The following GRID2 variants were observed in gnomAD, a reference collection of about 807,000 sequenced individuals.
The protein encoded by GRID2 is glutamate receptor ionotropic, delta-2.
In GRID2, 33 loss-of-function variants were observed where a neutral mutation model predicts 114.8. The ratio of observed to expected loss-of-function variants is 0.29; its 90% CI spans 0.22 to 0.38. The LOEUF (loss-of-function observed/expected upper bound fraction) is 0.38. GRID2 is among the 10% of genes least tolerant of loss of function. The pLI is 1.00. For missense variants in GRID2, 1,184 were observed against 1,257.7 expected (o/e 0.94, Z 0.89); for synonymous variants, 505 against 449.9 (o/e 1.12, Z -1.55).
intron 2 of GRID2, among the ~76,000 whole-genome samples, chr4:92,695,857 T>G (rs2149296960): frequency 6.6e-6 from 1 of 152,258 alleles, no homozygotes; most frequent in South Asian, 2.1e-4. Flanking sequence ...ATCAAAAAAA[T>G]CTGAAATCAT....
intron 2 of GRID2, among the ~76,000 whole-genome samples, chr4:92,775,921 C>A (rs1455750252): frequency 1.3e-5 from 2 of 152,038 alleles, no homozygotes; most frequent in Admixed American, 6.6e-5. Flanking sequence ...ATTGCACATA[C>A]AGTTAATGCA....
At chr4:93,323,554 T>C (rs1217285107) in intron 8 of GRID2, among the ~76,000 whole-genome samples, 1 of 152,178 alleles carries the variant, frequency 6.6e-6, no homozygotes, top group African/African-American at 2.4e-5. Context: ...CCATATGAAC[T>C]TTAAAGTAGT....
At chr4:92,764,840 A>G (rs1738184873) in intron 2 of GRID2, among the ~76,000 whole-genome samples, 1 of 152,194 alleles carries the variant, frequency 6.6e-6, no homozygotes, top group Non-Finnish European at 1.5e-5. Flanking sequence ...TGTATAGTAG[A>G]AAGCAAGACA....
At chr4:93,441,704 C>T (rs1281834052) in intron 10 of GRID2, among the ~76,000 whole-genome samples, 2 of 151,928 alleles carry the variant, frequency 1.3e-5, no homozygotes, top group African/African-American at 4.8e-5. Flanking sequence ...AGCCACGAGC[C>T]ATACCTTGAA....
chr4:93,600,380 C>G (rs1047907397), intron 13 of GRID2, among the ~76,000 whole-genome samples: 1 of 151,586 alleles, frequency 6.6e-6, no homozygotes, highest in Non-Finnish European at 1.5e-5. Context: ...AATGAAAAGA[C>G]AAATAGTATA....
intron 14 of GRID2, among the ~76,000 whole-genome samples, chr4:93,670,413 T>C (rs1724311381): frequency 6.6e-6 from 1 of 152,134 alleles, no homozygotes; most frequent in South Asian, 2.1e-4. Flanking sequence ...ATAAAGAGAA[T>C]AGCAACCATG....
chr4:92,548,849 A>G (rs1366722091), intron 1 of GRID2, among the ~76,000 whole-genome samples: 2 of 152,060 alleles, frequency 1.3e-5, no homozygotes, highest in African/African-American at 4.8e-5. Flanking sequence ...ACACATCGCC[A>G]GAGAAGGAGG....
chr4:92,992,089 T>C (rs1413562780), intron 2 of GRID2, among the ~76,000 whole-genome samples: 1 of 152,118 alleles, frequency 6.6e-6, no homozygotes, highest in African/African-American at 2.4e-5. Context: ...CTGTACAAAG[T>C]TGCATCAGGT....
chr4:93,673,568 A>G (rs1406814193), intron 14 of GRID2, among the ~76,000 whole-genome samples: 1 of 152,062 alleles, frequency 6.6e-6, no homozygotes, highest in Non-Finnish European at 1.5e-5. Context: ...ACAAGACATT[A>G]TTTTTCTTTT....
chr4:93,549,113 A>T (rs1004552734), intron 13 of GRID2, among the ~76,000 whole-genome samples: 4 of 152,068 alleles, frequency 2.6e-5, no homozygotes, highest in Non-Finnish European at 2.9e-5. Context: ...TTTTAAAAAA[A>T]TTTTTTTCTC....
chr4:93,127,437 T>C (rs1734380073), intron 4 of GRID2, among the ~76,000 whole-genome samples: 1 of 152,180 alleles, frequency 6.6e-6, no homozygotes, highest in Non-Finnish European at 1.5e-5. Context: ...GAAGCATAAC[T>C]AATTGACAGC....
intron 2 of GRID2, among the ~76,000 whole-genome samples, chr4:92,929,517 CCA>C (rs1404973011): frequency 6.6e-6 from 1 of 151,230 alleles, no homozygotes; most frequent in African/African-American, 2.4e-5. Context: ...ATTTTTCGCA[CCA>C]CAGAGTTGAT....
chr4:93,762,998 G>T (rs1234723033), intron 14 of GRID2, among the ~76,000 whole-genome samples: 1 of 152,124 alleles, frequency 6.6e-6, no homozygotes, highest in Non-Finnish European at 1.5e-5. Flanking sequence ...GCAGGGAGGA[G>T]CCCATAAGCC....
At chr4:93,777,272 T>C (rs1734387680), downstream of GRID2, among the ~76,000 whole-genome samples, 1 of 152,244 alleles carries the variant, frequency 6.6e-6, no homozygotes, top group South Asian at 2.1e-4. Context: ...CTCTCATTTC[T>C]TCACCTGAAT....
chr4:93,508,613 C>G (rs2149483164), intron 12 of GRID2, among the ~76,000 whole-genome samples: 1 of 152,284 alleles, frequency 6.6e-6, no homozygotes, highest in Non-Finnish European at 1.5e-5. Context: ...GGAATGCTTA[C>G]TTCCCAAAAT....
At chr4:92,771,284 A>G (rs751696911) in intron 2 of GRID2, among the ~76,000 whole-genome samples, 15 of 152,202 alleles carry the variant, frequency 9.9e-5, no homozygotes, top group South Asian at 2.1e-4. Context: ...CACAATTATT[A>G]TACTCTCCCT....
At chr4:92,631,832 G>T (rs551906245) in intron 2 of GRID2, among the ~76,000 whole-genome samples, 5 of 152,072 alleles carry the variant, frequency 3.3e-5, no homozygotes, top group East Asian at 1.9e-4. Flanking sequence ...TCATTTAGTC[G>T]CAAGAGAAAC....
chr4:92,587,064 C>T (rs1475815591), intron 1 of GRID2, among the ~76,000 whole-genome samples: 1 of 147,712 alleles, frequency 6.8e-6, no homozygotes, highest in Non-Finnish European at 1.5e-5. Context: ...TCAGTTTGGC[C>T]AATAAGAAAT....
At chr4:93,752,196 T>A (rs536711482) in intron 14 of GRID2, among the ~76,000 whole-genome samples, 11 of 152,236 alleles carry the variant, frequency 7.2e-5, no homozygotes, top group Admixed American at 4.6e-4. Context: ...CCACATAATG[T>A]GGTGAACACT....
Sources: allele counts gnomAD v4.1 joint callset (sites outside exome capture counted in the v4.1 genomes callset), GRCh38; gene constraint gnomAD v4.1.1; transcripts MANE v1.5; gene names NCBI Gene and HGNC (gene_info 2026-07-23, HGNC 2026-07-21).